SMAP1: variants seen among roughly 807,000 people sequenced by gnomAD.
SMAP1 encodes the protein stromal membrane-associated protein 1.
A neutral mutation model predicts 58.5 loss-of-function variants in SMAP1; 24 were observed. The observed-to-expected ratio is 0.41, with a 90% CI of 0.30 to 0.58. SMAP1 has a LOEUF of 0.58. SMAP1 is among the 20% of genes least tolerant of loss of function. The pLI is 0.29. For synonymous variants in SMAP1, 216 were observed against 196.6 expected, an observed-to-expected ratio of 1.10 and a Z score of -0.82; for missense variants, 563 against 566.3, an observed-to-expected ratio of 0.99 and a Z score of 0.06.
intron 1 of SMAP1, among the ~76,000 whole-genome samples, chr6:70,697,997 G>A (rs924837197): frequency 6.6e-6 from 1 of 152,114 alleles, no homozygotes; most frequent in Non-Finnish European, 1.5e-5. Context: ...TATTACCAGT[G>A]AGCTTTTTAC....
intron 2 of SMAP1, among the ~76,000 whole-genome samples, chr6:70,750,467 A>C (rs1766229753): frequency 6.6e-6 from 1 of 152,214 alleles, no homozygotes. Flanking sequence ...AAATGACTTA[A>C]AATTGTTTTA....
chr6:70,857,738 G>A, intron 9 of SMAP1, 184 bp from the exon 10 acceptor site: 1 of 602,618 alleles, frequency 1.7e-6, no homozygotes, highest in Non-Finnish European at 2.9e-6. Flanking sequence ...TGATTTGTCT[G>A]CATCCTAGAA....
chr6:70,852,653 C>T lies in SMAP1; in HGVS notation c.778C>T (p.Pro260Ser), dbSNP rs1424062205. Residue 260 changes from proline to serine, a missense_variant, in exon 8 of 11, where the codon CCC becomes TCC. Pro to Ser is a moderately conservative substitution (Grantham distance 74, BLOSUM62 -1). This residue lies in a region of SMAP1 where 494 missense variants were observed against 473.8 expected (regional missense o/e 1.04). Transcript: ENST00000370455. ...ISNPLPATVMPPAQGTPSAPA... is the reference protein window; with the variant it reads ...ISNPLPATVMSPAQGTPSAPA... The stretch of plus-strand genomic sequence containing the variant: ...TAATCCCTTACCTGCAACTGTCATG[C>T]CCCCAGCTCAGGTATGTGATAAGAA... 1.2e-5 allele frequency: 20 copies of T among 1,601,710 alleles called. No individual in the cohort carries two copies. Among genetic ancestry groups the T allele is most frequent in the Non-Finnish European group, 1.7e-5 (20 of 1,174,818 alleles).
At chr6:70,859,355 C>G in intron 10 of SMAP1, 8 of 1,549,054 alleles carry the variant, frequency 5.2e-6, no homozygotes, top group Non-Finnish European at 7.0e-6. Context: ...ATGCTGTTCT[C>G]CAGCACTCCA....
intron 1 of SMAP1, among the ~76,000 whole-genome samples, chr6:70,704,800 G>C (rs538951869): frequency 1.3e-5 from 2 of 152,300 alleles, no homozygotes; most frequent in Non-Finnish European, 1.5e-5. Flanking sequence ...CTAATTCAGA[G>C]TGTCATTTTA....
At chr6:70,846,409 T>A (rs1770991653) in intron 7 of SMAP1, among the ~76,000 whole-genome samples, 1 of 152,190 alleles carries the variant, frequency 6.6e-6, no homozygotes, top group African/African-American at 2.4e-5. Flanking sequence ...GGCTCGGGGC[T>A]ATAAAAGTGG....
At chr6:70,819,328 GA>G (rs61400090) in intron 6 of SMAP1, among the ~76,000 whole-genome samples, 66,400 of 142,576 alleles carry the variant, frequency 0.47, 15,313 homozygotes, top group Non-Finnish European at 0.53. Context: ...ATGTAAGGGT[GA>G]AAAAAAAAAA....
intron 5 of SMAP1, among the ~76,000 whole-genome samples, chr6:70,796,573 A>G (rs1321964622): frequency 1.3e-5 from 2 of 152,222 alleles, no homozygotes; most frequent in Non-Finnish European, 2.9e-5. Context: ...GAAATGGTTG[A>G]GTCAGCAGTA....
chr6:70,735,330 A>C (rs367967286), intron 2 of SMAP1, among the ~76,000 whole-genome samples: 9 of 152,150 alleles, frequency 5.9e-5, no homozygotes, highest in African/African-American at 1.9e-4. Context: ...TTTCTATCCC[A>C]TTGGGTTAGT....
intron 3 of SMAP1, among the ~76,000 whole-genome samples, chr6:70,758,546 A>G (rs889987060): frequency 6.6e-6 from 1 of 152,102 alleles, no homozygotes; most frequent in African/African-American, 2.4e-5. Flanking sequence ...AATAAAAATA[A>G]AAACACATGA....
At chr6:70,794,433 T>C (rs545694800) in intron 5 of SMAP1, among the ~76,000 whole-genome samples, 69 of 152,294 alleles carry the variant, frequency 4.5e-4, no homozygotes, top group Admixed American at 1.2e-3. Context: ...ATTTTTATTA[T>C]TGTTATTATA....
At chr6:70,800,847 C>T (rs1037918246) in intron 6 of SMAP1, among the ~76,000 whole-genome samples, 17 of 152,146 alleles carry the variant, frequency 1.1e-4, no homozygotes, top group Non-Finnish European at 2.1e-4. Flanking sequence ...GACATGAACT[C>T]GTCCTTTTGT....
At chr6:70,802,942 A>T (rs1355404224) in intron 6 of SMAP1, among the ~76,000 whole-genome samples, 3 of 152,206 alleles carry the variant, frequency 2.0e-5, no homozygotes, top group East Asian at 1.9e-4. Context: ...ATCGATGTTC[A>T]TCAGGGATAT....
intron 4 of SMAP1, among the ~76,000 whole-genome samples, chr6:70,783,262 TAACA>T (rs1275680304): frequency 1.3e-5 from 2 of 152,080 alleles, no homozygotes; most frequent in African/African-American, 2.4e-5. Context: ...GAAGGAAAAC[TAACA>T]AACAGAAAGG....
At chr6:70,752,284 G>T (rs1319739275) in intron 2 of SMAP1, among the ~76,000 whole-genome samples, 4 of 152,164 alleles carry the variant, frequency 2.6e-5, no homozygotes, top group African/African-American at 9.7e-5. Context: ...CTGTTAGTAA[G>T]CCCTGCAGGA....
chr6:70,762,082 C>G (rs991110755), intron 3 of SMAP1, among the ~76,000 whole-genome samples: 2 of 152,170 alleles, frequency 1.3e-5, no homozygotes, highest in Non-Finnish European at 2.9e-5. Flanking sequence ...AGAATGTCAA[C>G]ATATAATGCA....
chr6:70,786,353 A>C (rs904788351), intron 4 of SMAP1, among the ~76,000 whole-genome samples: 2 of 145,162 alleles, frequency 1.4e-5, no homozygotes, highest in Admixed American at 1.4e-4. Context: ...ATCATACTGA[A>C]TGGGCAAAAA....
intron 6 of SMAP1, among the ~76,000 whole-genome samples, chr6:70,830,779 T>C (rs1486833551): frequency 6.6e-6 from 1 of 152,202 alleles, no homozygotes; most frequent in Non-Finnish European, 1.5e-5. Context: ...TGGAAATCTG[T>C]TGTTCCTCTC....
At chr6:70,694,922 C>G (rs1046572197) in intron 1 of SMAP1, among the ~76,000 whole-genome samples, 3 of 152,192 alleles carry the variant, frequency 2.0e-5, no homozygotes, top group Non-Finnish European at 2.9e-5. Context: ...TTGAATCTTT[C>G]AATCCATGAA....
Sources: allele counts gnomAD v4.1 joint callset (sites outside exome capture counted in the v4.1 genomes callset), GRCh38; gene constraint gnomAD v4.1.1; regional missense constraint gnomAD v4.1.1; transcripts MANE v1.5; gene names NCBI Gene and HGNC (gene_info 2026-07-23, HGNC 2026-07-21).